Variants in FAM107B observed in about 807,000 individuals in gnomAD.
FAM107B encodes family with sequence similarity 107 member B.
In FAM107B, 21 loss-of-function variants were observed where a neutral mutation model predicts 31.5. The observed-to-expected ratio is 0.67, with a 90% confidence interval of 0.47 to 0.96. FAM107B has a LOEUF of 0.96. Ranked by LOEUF, FAM107B falls within the 40% of genes least tolerant of loss-of-function variation. The probability of loss-of-function intolerance (pLI) is 0.00; values close to 1 mark genes in which losing one functional copy is unlikely to be tolerated. For missense variants in FAM107B, 452 were observed against 377.1 expected (o/e 1.20, Z -1.64); for synonymous variants, 157 against 141.5 (o/e 1.11, Z -0.78).
intron 1 of FAM107B, among the ~76,000 whole-genome samples, chr10:14,745,431 G>A (rs1314537887): frequency 2.6e-5 from 4 of 151,918 alleles, no homozygotes; most frequent in East Asian, 1.9e-4. Flanking sequence ...TTTTGATGTA[G>A]GCATTTAGTT....
intron 1 of FAM107B, among the ~76,000 whole-genome samples, chr10:14,772,362 A>AAATATATATATATATAT (rs10651238): frequency 6.9e-6 from 1 of 145,586 alleles, no homozygotes; most frequent in African/African-American, 2.6e-5. Flanking sequence ...TTAAAAAAAA[A>AAATATATATATATATAT]ATATATATAT....
At chr10:14,750,451 A>T (rs570601982) in intron 1 of FAM107B, among the ~76,000 whole-genome samples, 1 of 152,200 alleles carries the variant, frequency 6.6e-6, no homozygotes, top group South Asian at 2.1e-4. Context: ...GTCTCTATTA[A>T]AAATACAAAA....
Position 14,594,477 on chromosome 10 carries a change from C to CTGG in FAM107B, c.470-63963_470-63962insCCA, listed in dbSNP as rs750226310. 4.1e-5 allele frequency among the ~76,000 whole-genome samples: 6 copies of CTGG among 146,474 alleles called. No individual in the cohort carries two copies. The East Asian group carries it at 1.0e-3, about 24-fold the overall frequency. On this transcript the variant is annotated intron_variant, in intron 2 of 4. Coordinates refer to ENST00000181796, the MANE Select transcript of FAM107B (RefSeq NM_031453.4). ...TATGGTGGCACTGCTGCACTCCAGCCTCCATGACAGAGCAAGACCCTGCCA... is the reference window on the plus strand; with the variant it reads ...TATGGTGGCACTGCTGCACTCCAGCCTGGTCCATGACAGAGCAAGACCCTGCCA...
At chr10:14,709,344 C>T (rs575049172) in intron 1 of FAM107B, among the ~76,000 whole-genome samples, 1 of 152,168 alleles carries the variant, frequency 6.6e-6, no homozygotes, top group Non-Finnish European at 1.5e-5. Context: ...AAAAGAAAGA[C>T]GTTTAATGAA....
chr10:14,735,464 C>CT (rs1856278168), intron 1 of FAM107B, among the ~76,000 whole-genome samples: 1 of 152,106 alleles, frequency 6.6e-6, no homozygotes, highest in African/African-American at 2.4e-5. Context: ...AATTGGTGGC[C>CT]TCCAAGATGA....
chr10:14,733,763 G>T (rs1230180639), intron 1 of FAM107B, among the ~76,000 whole-genome samples: 1 of 152,184 alleles, frequency 6.6e-6, no homozygotes, highest in Admixed American at 6.5e-5. Flanking sequence ...ATGAAACAGT[G>T]AGTAAATAGC....
intron 2 of FAM107B, among the ~76,000 whole-genome samples, chr10:14,604,068 G>T (rs939800605): frequency 7.8e-4 from 114 of 146,388 alleles, no homozygotes; most frequent in Middle Eastern, 3.5e-3. Context: ...CGCCGCGCGG[G>T]GTGACCCGTG....
chr10:14,734,245 T>C (rs913293), intron 1 of FAM107B, among the ~76,000 whole-genome samples: 14 of 151,834 alleles, frequency 9.2e-5, no homozygotes, highest in Admixed American at 8.5e-4. Context: ...TGGGGGAAAA[T>C]TGCCTGGTTT....
intron 2 of FAM107B, among the ~76,000 whole-genome samples, chr10:14,614,821 G>A (rs1027655595): frequency 5.9e-5 from 9 of 151,966 alleles, no homozygotes; most frequent in South Asian, 2.1e-4. Context: ...TTTGTGAAAC[G>A]CTGCTACCAG....
chr10:14,748,114 C>T (rs1256305995), intron 1 of FAM107B, among the ~76,000 whole-genome samples: 1 of 152,134 alleles, frequency 6.6e-6, no homozygotes, highest in Non-Finnish European at 1.5e-5. Context: ...CTTACTGTAC[C>T]ATTCTAATTT....
intron 1 of FAM107B, among the ~76,000 whole-genome samples, chr10:14,715,717 C>T (rs960768094): frequency 6.6e-6 from 1 of 152,232 alleles, no homozygotes; most frequent in Non-Finnish European, 1.5e-5. Flanking sequence ...GGACATCCAT[C>T]TTCTCCTGCC....
chr10:14,685,138 TTTTA>T (rs1243312079), intron 1 of FAM107B, among the ~76,000 whole-genome samples: 194 of 46,832 alleles, frequency 4.1e-3, no homozygotes, highest in Middle Eastern at 0.014. Flanking sequence ...AATAACATCC[TTTTA>T]TTTTTTTTTT....
chr10:14,522,107 C>A (rs1046785885), intron 3 of FAM107B, 88 bp from the exon 4 acceptor site: 4 of 1,501,746 alleles, frequency 2.7e-6, no homozygotes, highest in Admixed American at 2.3e-5. Context: ...ATATCAACCA[C>A]GGAAAAGTGG....
chr10:14,749,435 C>T (rs192889940), intron 1 of FAM107B, among the ~76,000 whole-genome samples: 22 of 152,304 alleles, frequency 1.4e-4, no homozygotes, highest in African/African-American at 5.1e-4. Flanking sequence ...CTTGTTCCTT[C>T]TTCCTGGCTA....
At chr10:14,567,432 G>C (rs1175915849) in intron 2 of FAM107B, among the ~76,000 whole-genome samples, 1 of 152,112 alleles carries the variant, frequency 6.6e-6, no homozygotes, top group Non-Finnish European at 1.5e-5. Flanking sequence ...GATTTAAGAA[G>C]TGTGGAGGAG....
At chr10:14,560,280 C>T (rs1850124845) in intron 2 of FAM107B, among the ~76,000 whole-genome samples, 1 of 151,932 alleles carries the variant, frequency 6.6e-6, no homozygotes, top group Admixed American at 6.6e-5. Flanking sequence ...AAAAGATGTA[C>T]AAGAACAACT....
chr10:14,665,940 T>C (rs1016658486), intron 2 of FAM107B, among the ~76,000 whole-genome samples: 2 of 152,190 alleles, frequency 1.3e-5, no homozygotes, highest in Non-Finnish European at 2.9e-5. Flanking sequence ...TAAAATAGCA[T>C]AGTGTTGGCC....
At chr10:14,628,099 T>G (rs1853212352) in intron 2 of FAM107B, among the ~76,000 whole-genome samples, 1 of 149,330 alleles carries the variant, frequency 6.7e-6, no homozygotes, top group South Asian at 2.1e-4. Context: ...CTTGTTTGTT[T>G]TTTGTTTTGC....
chr10:14,631,687 C>A (rs1162755557), intron 2 of FAM107B, among the ~76,000 whole-genome samples: 1 of 152,116 alleles, frequency 6.6e-6, no homozygotes, highest in Non-Finnish European at 1.5e-5. Context: ...CCTCCTGGGT[C>A]CCCACCCCGG....
Sources: allele counts gnomAD v4.1 joint callset (sites outside exome capture counted in the v4.1 genomes callset), GRCh38; gene constraint gnomAD v4.1.1; transcripts MANE v1.5; gene names NCBI Gene and HGNC (gene_info 2026-07-23, HGNC 2026-07-21).